SH3GL3: variants seen among roughly 807,000 people sequenced by gnomAD.
SH3GL3 encodes the protein SH3 domain containing GRB2 like 3, endophilin A3.
Under a neutral mutation model 47.7 loss-of-function variants are expected in SH3GL3, and 33 were observed. The ratio of observed to expected loss-of-function variants is 0.69; its 90% CI spans 0.52 to 0.92. The LOEUF is 0.92. SH3GL3 is among the 40% of genes least tolerant of loss of function. The pLI, the probability that SH3GL3 is intolerant of heterozygous loss-of-function variation, is 0.00. For synonymous variants in SH3GL3, 155 were observed against 148.8 expected (o/e 1.04, Z -0.30); for missense variants, 363 against 417.8 (o/e 0.87, Z 1.14).
chr15:83,596,602 AT>A (rs990306937), intron 8 of SH3GL3, among the ~76,000 whole-genome samples: 1 of 151,958 alleles, frequency 6.6e-6, no homozygotes, highest in African/African-American at 2.4e-5. Flanking sequence ...GATTACTTGC[AT>A]TTTTTAAAAC....
chr15:83,523,967 A>T (rs1234037872), intron 1 of SH3GL3, among the ~76,000 whole-genome samples: 1 of 134,194 alleles, frequency 7.5e-6, no homozygotes. Context: ...AAAAAAAAAA[A>T]CAGACAGCAA....
At chr15:83,458,942 A>G (rs528582287) in intron 1 of SH3GL3, among the ~76,000 whole-genome samples, 2 of 152,316 alleles carry the variant, frequency 1.3e-5, no homozygotes, top group South Asian at 4.1e-4. Flanking sequence ...AAGTCCCACA[A>G]TAGGTTATCT....
chr15:83,618,187 CCAAT>C lies in SH3GL3; in HGVS notation c.948_951del (p.Asn316LysfsTer2), dbSNP rs745657914. On this transcript the variant is annotated frameshift_variant, in exon 9 of 9. Transcript: ENST00000427482. LOFTEE classifies it high-confidence loss of function. The stretch of plus-strand genomic sequence containing the variant: ...AAAGAAGGGGACATCATTACATTAA[CCAAT>C]CAAATAGATGAAAACTGGTATGAAG... 1 of 1,608,758 alleles carries C rather than the reference CCAAT, an allele frequency of 6.2e-7. No homozygotes were observed. The highest frequency in any genetic ancestry group is 1.1e-5 in the South Asian group (1 of 90,954).
intron 1 of SH3GL3, among the ~76,000 whole-genome samples, chr15:83,519,626 C>G (rs2043125693): frequency 6.6e-6 from 1 of 152,072 alleles, no homozygotes; most frequent in Non-Finnish European, 1.5e-5. Context: ...AATACTTTCA[C>G]TTCTTTTCCT....
Position 83,575,819 on chromosome 15 carries a change from G to A in SH3GL3, c.466-764G>A, listed in dbSNP as rs573115508. ...TCGATGCCTGGTATCTGATTTCCGA[G>A]GATTATAGCCATAAACTCTCCAGGG... On this transcript the variant is annotated intron_variant, in intron 5 of 8. Transcript: ENST00000427482. Among the ~76,000 whole-genome samples, 11 of 152,150 alleles carry A rather than the reference G, an allele frequency of 7.2e-5. No individual in the cohort carries two copies. The South Asian group carries it at 2.1e-3, about 29-fold the overall frequency.
intron 1 of SH3GL3, among the ~76,000 whole-genome samples, chr15:83,527,184 T>G (rs2151667221): frequency 6.6e-6 from 1 of 152,266 alleles, no homozygotes; most frequent in Admixed American, 6.5e-5. Context: ...CTTTTCCAAT[T>G]TGGATGTAGC....
At chr15:83,587,157 C>T (rs1329019511) in intron 7 of SH3GL3, 71 bp downstream of exon 7, 11 of 708,746 alleles carry the variant, frequency 1.6e-5, no homozygotes. Flanking sequence ...ATCTGTCTGT[C>T]TCTCCATCTC....
intron 1 of SH3GL3, among the ~76,000 whole-genome samples, chr15:83,471,396 C>T (rs958858315): frequency 1.3e-5 from 2 of 152,156 alleles, no homozygotes; most frequent in Non-Finnish European, 2.9e-5. Flanking sequence ...TGAGTTTCTA[C>T]CTAATGAACC....
rs545200390 is a variant in SH3GL3, at chr15:83,496,555, C to G, written c.45+48977C>G. On this transcript the variant is annotated intron_variant, in intron 1 of 8. Coordinates refer to ENST00000427482, the MANE Select transcript of SH3GL3 (RefSeq NM_003027.5). ...AAGTTGGCAGATCCAGGACTTGAAC[C>G]TTGTCTTTCGGGCTTAGGTGTTACA... Among the ~76,000 whole-genome samples, 4 of 152,192 alleles carry G rather than the reference C, an allele frequency of 2.6e-5. No individual in the cohort carries two copies. In the South Asian group the frequency reaches 8.3e-4, roughly 32 times the overall value.
At chr15:83,515,216 C>T (rs989037268) in intron 1 of SH3GL3, among the ~76,000 whole-genome samples, 9 of 152,178 alleles carry the variant, frequency 5.9e-5, no homozygotes, top group South Asian at 2.1e-4. Flanking sequence ...ATTCTATGCC[C>T]GAGTTCATAA....
chr15:83,566,638 T>C (rs1274262457), intron 3 of SH3GL3, among the ~76,000 whole-genome samples: 1 of 152,152 alleles, frequency 6.6e-6, no homozygotes, highest in Non-Finnish European at 1.5e-5. Context: ...TAGCCAGGTG[T>C]GGTAACACGT....
intron 8 of SH3GL3, among the ~76,000 whole-genome samples, chr15:83,604,721 C>T (rs561826081): frequency 2.4e-4 from 37 of 152,166 alleles, no homozygotes; most frequent in Middle Eastern, 3.4e-3. Context: ...TATTTTTAGT[C>T]CCCATTTTAC....
intron 1 of SH3GL3, among the ~76,000 whole-genome samples, chr15:83,514,774 G>A (rs1026094920): frequency 6.6e-6 from 1 of 152,140 alleles, no homozygotes; most frequent in African/African-American, 2.4e-5. Context: ...TGACATTTAA[G>A]CAAAGGAGAA....
chr15:83,532,487 G>A (rs1044134627), intron 1 of SH3GL3, among the ~76,000 whole-genome samples: 2 of 152,188 alleles, frequency 1.3e-5, no homozygotes, highest in Non-Finnish European at 2.9e-5. Flanking sequence ...TGGTTTCAAG[G>A]TGGGAGTGGA....
chr15:83,467,088 T>C (rs1596033094), intron 1 of SH3GL3, among the ~76,000 whole-genome samples: 1 of 152,258 alleles, frequency 6.6e-6, no homozygotes, highest in African/African-American at 2.4e-5. Flanking sequence ...ATATGGATCA[T>C]ACTTTTGGAG....
At chr15:83,602,189 C>T (rs757920242) in intron 8 of SH3GL3, among the ~76,000 whole-genome samples, 4 of 152,116 alleles carry the variant, frequency 2.6e-5, no homozygotes, top group East Asian at 1.9e-4. Context: ...CTCTTACACC[C>T]GCAAGGTGGA....
chr15:83,521,606 C>T (rs1448660081), intron 1 of SH3GL3, among the ~76,000 whole-genome samples: 1 of 152,126 alleles, frequency 6.6e-6, no homozygotes, highest in East Asian at 1.9e-4. Flanking sequence ...TAACCAGAAG[C>T]CAGCAGCAAG....
chr15:83,498,329 C>T (rs1395773669), intron 1 of SH3GL3, among the ~76,000 whole-genome samples: 1 of 152,132 alleles, frequency 6.6e-6, no homozygotes, highest in African/African-American at 2.4e-5. Flanking sequence ...GCTGGGTGAG[C>T]CTGGGCAAGT....
intron 1 of SH3GL3, among the ~76,000 whole-genome samples, chr15:83,544,324 T>A (rs1353167870): frequency 6.6e-6 from 1 of 152,086 alleles, no homozygotes; most frequent in Non-Finnish European, 1.5e-5. Context: ...GTTTTTAGAG[T>A]TTCTATTATT....
Sources: allele counts gnomAD v4.1 joint callset (sites outside exome capture counted in the v4.1 genomes callset), GRCh38; gene constraint gnomAD v4.1.1; transcripts MANE v1.5; gene names NCBI Gene and HGNC (gene_info 2026-07-23, HGNC 2026-07-21).